The following VIPR2 variants were observed in gnomAD, a reference collection of about 807,000 sequenced individuals.
The protein encoded by VIPR2 is vasoactive intestinal polypeptide receptor 2.
Under a neutral mutation model 58.0 loss-of-function variants are expected in VIPR2, and 48 were observed. The observed-to-expected ratio is 0.83, with a 90% CI of 0.66 to 1.05. VIPR2 has a LOEUF of 1.05. VIPR2 is among the 50% of genes least tolerant of loss of function. The pLI is 0.00. For synonymous variants in VIPR2, 243 were observed against 235.2 expected (o/e 1.03, Z -0.30); for missense variants, 534 against 558.0 (o/e 0.96, Z 0.43).
At chr7:159,108,966 C>A (rs994934359) in intron 3 of VIPR2, among the ~76,000 whole-genome samples, 4 of 152,212 alleles carry the variant, frequency 2.6e-5, no homozygotes, top group African/African-American at 9.6e-5. Flanking sequence ...GTGAGAAAGT[C>A]AAAATCTTCC....
rs1445236433 is a variant in VIPR2, at chr7:159,050,248, G to T, written c.456-7072C>A. Among the ~76,000 whole-genome samples, 7 of 151,332 alleles carry T rather than the reference G, an allele frequency of 4.6e-5. No individual in the cohort carries two copies. The East Asian group carries it at 1.4e-3, about 29-fold the overall frequency. On this transcript the variant is annotated intron_variant, in intron 5 of 12. Coordinates refer to ENST00000262178, the MANE Select transcript of VIPR2 (RefSeq NM_003382.5). ...GCTACTTGAGAGACTGAGGCAGGAG[G>T]ATCGCTTGAACCCGGGAGGCAGAGG...
In VIPR2 at chr7:159,109,916, C is replaced by T; in HGVS notation, c.155G>A (p.Cys52Tyr). 6.2e-7 allele frequency: 1 copy of T among 1,613,468 alleles called. No homozygotes were observed. The highest frequency in any genetic ancestry group is 2.2e-5 in the East Asian group (1 of 44,884). Reference protein sequence around the residue: ...LRSQTEKHKACSGVWDNITCW... With the variant: ...LRSQTEKHKAYSGVWDNITCW... Reference sequence around the variant, plus strand: ...CGTGATGTTGTCCCAGACGCCACTGCAGGCTGGAAGGAGAGAAGCAGAGTG... The same window carrying T: ...CGTGATGTTGTCCCAGACGCCACTGTAGGCTGGAAGGAGAGAAGCAGAGTG... The change falls in exon 3 of 13, where the codon TGC becomes TAC. Residue 52 changes from cysteine to tyrosine, a missense_variant. Coordinates refer to ENST00000262178, the MANE Select transcript of VIPR2 (RefSeq NM_003382.5).
Position 159,042,999 on chromosome 7 carries a change from C to A in VIPR2, c.597+36G>T, listed in dbSNP as rs150627705. The A allele has an allele frequency of 2.4e-4, 378 of 1,607,136 alleles. 3 individuals carry two copies. In the African/African-American group the frequency reaches 4.5e-3, roughly 19 times the overall value. Reference sequence around the variant, plus strand: ...AGAAGAGGGAACAGAGATAAAGGGACAAGACAGTGGGACCCTGTGGTGGGG... The same window carrying A: ...AGAAGAGGGAACAGAGATAAAGGGAAAAGACAGTGGGACCCTGTGGTGGGG... On this transcript the variant is annotated intron_variant, in intron 6 of 12. Coordinates refer to ENST00000262178, the MANE Select transcript of VIPR2 (RefSeq NM_003382.5).
chr7:159,082,822 AC>A (rs1304564696), intron 4 of VIPR2, among the ~76,000 whole-genome samples: 1 of 152,150 alleles, frequency 6.6e-6, no homozygotes, highest in Non-Finnish European at 1.5e-5. Flanking sequence ...AGACAGATAG[AC>A]CTGCTCCCAG....
At chr7:159,059,115 A>G in intron 4 of VIPR2, 1 of 404,282 alleles carries the variant, frequency 2.5e-6, no homozygotes, top group South Asian at 1.8e-5. Flanking sequence ...AGCAAGGTCC[A>G]TGGCTTGATA....
At chr7:159,110,001 C>T (rs1585519413) in intron 2 of VIPR2, 82 bp from the exon 3 acceptor site, 10 of 1,303,588 alleles carry the variant, frequency 7.7e-6, no homozygotes, top group East Asian at 7.1e-5. Flanking sequence ...AGATAACTGC[C>T]TCGCAAACTC....
In VIPR2 at chr7:159,125,748, G is replaced by A. The variant is rs116201712; in HGVS notation, c.152-15829C>T. Among the ~76,000 whole-genome samples the A allele has an allele frequency of 8.6e-3, 1,313 of 152,052 alleles. 19 individuals are homozygous for A. Among genetic ancestry groups the A allele is most frequent in the African/African-American group, 0.029 (1,218 of 41,450 alleles). On this transcript the variant is annotated intron_variant, in intron 2 of 12. Transcript: ENST00000262178. Reference sequence around the variant, plus strand: ...ACCCTTCAAAATAACACCATTCCTGGACACCTGGTGTCAGCCTGGACACTC... The same window carrying A: ...ACCCTTCAAAATAACACCATTCCTGAACACCTGGTGTCAGCCTGGACACTC...
At position 159,030,355 on chromosome 7, in the gene VIPR2, A is replaced by C; in HGVS notation, c.*261T>G. 1 of 377,028 alleles carries C rather than the reference A, an allele frequency of 2.7e-6. No homozygotes were observed. The highest frequency in any genetic ancestry group is 4.6e-6 in the Non-Finnish European group (1 of 215,356). 23.4% of individuals were successfully genotyped at this position (377,028 alleles called of 1,614,324 possible). ...GAGACTCCGTCTCAAAAAAAAAAAA[A>C]AAAAAAAAAGTGGATCCACTATACG... On this transcript the variant is annotated 3_prime_UTR_variant, in exon 13 of 13. Transcript: ENST00000262178.
intron 4 of VIPR2, among the ~76,000 whole-genome samples, chr7:159,063,414 C>A (rs1186289472): frequency 1.3e-5 from 2 of 152,042 alleles, no homozygotes; most frequent in East Asian, 3.9e-4. Flanking sequence ...GGGCCGGCAG[C>A]GCCGGCCGGC....
At chr7:159,064,651 T>C (rs571161979) in intron 4 of VIPR2, among the ~76,000 whole-genome samples, 1 of 152,218 alleles carries the variant, frequency 6.6e-6, no homozygotes, top group African/African-American at 2.4e-5. Context: ...GCCAGGCTGC[T>C]CTCTCGAGGC....
intron 6 of VIPR2, among the ~76,000 whole-genome samples, chr7:159,039,339 G>A (rs1854173358): frequency 6.6e-6 from 1 of 152,098 alleles, no homozygotes; most frequent in Non-Finnish European, 1.5e-5. Context: ...TTAGCTGGGT[G>A]TGGTGACACC....
At chr7:159,114,326 T>G (rs1796153776) in intron 2 of VIPR2, among the ~76,000 whole-genome samples, 1 of 151,098 alleles carries the variant, frequency 6.6e-6, no homozygotes, top group Admixed American at 6.6e-5. Flanking sequence ...GCACAGCCAC[T>G]TGGAGACGCC....
Position 159,095,666 on chromosome 7 carries a change from G to C in VIPR2, c.357+8091C>G, listed in dbSNP as rs1470840032. ...TGTCACCGGAAGCCCCAGACTCAAG[G>C]CCCTGCTGTTCTGCCCCCTTGGCCG... On this transcript the variant is annotated intron_variant, in intron 4 of 12. Coordinates refer to ENST00000262178, the MANE Select transcript of VIPR2 (RefSeq NM_003382.5). This position sits in a 1 kb window ranked among gnomAD's most constrained non-coding sequence, Gnocchi z 5.2. Among the ~76,000 whole-genome samples, 1 of 152,142 alleles carries C rather than the reference G, an allele frequency of 6.6e-6. No individual in the cohort carries two copies. The highest frequency in any genetic ancestry group is 1.5e-5 in the Non-Finnish European group (1 of 68,020).
At position 159,103,833 on chromosome 7, in the gene VIPR2, G is replaced by A. The variant is rs539276528; in HGVS notation, c.281C>T (p.Thr94Met). The change falls in exon 4 of 13, where the codon ACG becomes ATG. Residue 94 changes from threonine (T) to methionine (M), a missense_variant. By Grantham distance (81) the Thr-to-Met change is moderately conservative. This residue lies in a region of VIPR2 where 224 missense variants were observed against 255.7 expected (regional missense o/e 0.88). Coordinates refer to ENST00000262178, the MANE Select transcript of VIPR2 (RefSeq NM_003382.5). ...GAACGTCTCTGACCATCCGTCACTC[G>A]TACAGTTTTTGCTTATGTTTCCTGG... ...SKAGNISKNC[T>M]SDGWSETFPD... The A allele has an allele frequency of 1.1e-4, 170 of 1,613,954 alleles. No homozygotes were observed. The highest frequency in any genetic ancestry group is 1.8e-4 in the Admixed American group (11 of 59,998).
chr7:159,140,204 A>G (rs555312672), intron 2 of VIPR2, among the ~76,000 whole-genome samples: 5 of 152,152 alleles, frequency 3.3e-5, no homozygotes, highest in African/African-American at 1.2e-4. Flanking sequence ...TCTTTCACAC[A>G]AATTTCTTAA....
chr7:159,120,769 G>A (rs1034510135), intron 2 of VIPR2, among the ~76,000 whole-genome samples: 1 of 152,188 alleles, frequency 6.6e-6, no homozygotes, highest in Non-Finnish European at 1.5e-5. Context: ...CGGGTAAGAG[G>A]CTGGGCCTTG....
rs1385837022 is a variant in VIPR2 at position 159,093,399 on chromosome 7, C to T, written c.357+10358G>A. Reference sequence around the variant, plus strand: ...TTAGTAGAAGTCAGGGCAGGCACCGCGGCTCCACGCTTACTTTCGAGGGTG... The same window carrying T: ...TTAGTAGAAGTCAGGGCAGGCACCGTGGCTCCACGCTTACTTTCGAGGGTG... On this transcript the variant is annotated intron_variant, in intron 4 of 12. Transcript: ENST00000262178. The surrounding 1 kb of genome is among the most constrained non-coding windows in gnomAD (Gnocchi z 6.7). 1.3e-5 allele frequency among the ~76,000 whole-genome samples: 2 copies of T among 152,204 alleles called. No homozygotes were observed. Among genetic ancestry groups the T allele is most frequent in the African/African-American group, 2.4e-5 (1 of 41,440 alleles).
chr7:159,107,915 T>C (rs3828962), intron 3 of VIPR2, among the ~76,000 whole-genome samples: 18,723 of 152,184 alleles, frequency 0.12, 1,363 homozygotes, highest in East Asian at 0.16. Context: ...CTGCCTAGCA[T>C]AGGACAGACA....
At chr7:159,083,590 G>A (rs1432785131) in intron 4 of VIPR2, among the ~76,000 whole-genome samples, 5 of 152,142 alleles carry the variant, frequency 3.3e-5, no homozygotes, top group African/African-American at 9.6e-5. Context: ...AGCCAGGGCA[G>A]CCAGTACCCA....
Sources: gnomAD v4.1 joint callset for allele counts (sites outside exome capture counted in the v4.1 genomes callset) on GRCh38, gnomAD v4.1.1 for gene constraint, gnomAD v4.1.1 regional missense constraint, Gnocchi (gnomAD v3.1) non-coding constraint, MANE v1.5 for transcripts, NCBI Gene and HGNC (gene_info 2026-07-23, HGNC 2026-07-21) for gene names.